FAM13A: variants seen among roughly 807,000 people sequenced by gnomAD.
The protein encoded by FAM13A is protein FAM13A.
FAM13A carries 76 observed loss-of-function variants against 129.6 expected under a neutral mutation model. The ratio of observed to expected loss-of-function variants is 0.59; its 90% CI spans 0.49 to 0.71. FAM13A has a LOEUF of 0.71. Ranked by LOEUF, FAM13A falls within the 30% of genes least tolerant of loss-of-function variation. The pLI is 0.00. For missense variants in FAM13A, 1,108 were observed against 1,249.3 expected, an observed-to-expected ratio of 0.89 and a Z score of 1.70; for synonymous variants, 443 against 449.9, an observed-to-expected ratio of 0.98 and a Z score of 0.20.
chr4:88,732,378 A>G, intron 21 of FAM13A, 180 bp from the exon 22 acceptor site: 4 of 465,130 alleles, frequency 8.6e-6, no homozygotes, highest in Non-Finnish European at 1.5e-5. Context: ...CGATATAAAT[A>G]TACACATTTA....
chr4:88,990,776 G>T, intron 4 of FAM13A, 197 bp downstream of exon 4: 1 of 441,002 alleles, frequency 2.3e-6, no homozygotes, highest in Non-Finnish European at 4.0e-6. Context: ...TTATAGTTTT[G>T]TAAAAAGGGC....
chr4:88,914,067 T>C (rs937646352), intron 5 of FAM13A, among the ~76,000 whole-genome samples: 1 of 151,896 alleles, frequency 6.6e-6, no homozygotes, highest in Admixed American at 6.6e-5. Flanking sequence ...AAATGTCACC[T>C]AGTTGCTCAG....
At chr4:88,816,753 T>TTA (rs534809254) in intron 7 of FAM13A, among the ~76,000 whole-genome samples, 74 of 152,338 alleles carry the variant, frequency 4.9e-4, no homozygotes, top group Non-Finnish European at 4.6e-4. Context: ...TTTAGACATG[T>TTA]GTGTAGAGTG....
chr4:88,757,069 G>T (rs1273887021), intron 14 of FAM13A, among the ~76,000 whole-genome samples: 2 of 150,898 alleles, frequency 1.3e-5, no homozygotes, highest in Non-Finnish European at 3.0e-5. Context: ...AATCCATCTA[G>T]ATTTCTAAAA....
At chr4:88,890,349 C>T (rs1740921794) in intron 6 of FAM13A, among the ~76,000 whole-genome samples, 1 of 152,180 alleles carries the variant, frequency 6.6e-6, no homozygotes, top group African/African-American at 2.4e-5. Flanking sequence ...AAGCTGGATC[C>T]TCCGAACCAG....
intron 7 of FAM13A, among the ~76,000 whole-genome samples, chr4:88,847,242 A>ACC (rs1336783937): frequency 1.3e-5 from 2 of 152,142 alleles, no homozygotes; most frequent in African/African-American, 4.8e-5. Context: ...GTTGGGCTGG[A>ACC]CATGGTGGTT....
chr4:88,946,845 C>T (rs796619323), intron 4 of FAM13A, among the ~76,000 whole-genome samples: 12 of 152,234 alleles, frequency 7.9e-5, no homozygotes, highest in African/African-American at 2.9e-4. Context: ...CAAGTGCTTG[C>T]ATAAAGCCAC....
chr4:88,869,050 A>G (rs1264418018), intron 6 of FAM13A, among the ~76,000 whole-genome samples: 1 of 152,194 alleles, frequency 6.6e-6, no homozygotes, highest in Non-Finnish European at 1.5e-5. Flanking sequence ...GCTAGGACTC[A>G]AACCATTAGA....
At chr4:89,045,499 A>G (rs1415491207) in intron 1 of FAM13A, among the ~76,000 whole-genome samples, 3 of 152,224 alleles carry the variant, frequency 2.0e-5, no homozygotes, top group African/African-American at 7.2e-5. Flanking sequence ...CTTTGTTTAA[A>G]TAAAAGTGCT....
At chr4:89,035,542 A>G (rs1382549599) in intron 1 of FAM13A, among the ~76,000 whole-genome samples, 1 of 152,150 alleles carries the variant, frequency 6.6e-6, no homozygotes, top group African/African-American at 2.4e-5. Context: ...GTGCCAAGAA[A>G]AGAAAATTGC....
chr4:88,834,491 T>G (rs1009669292), intron 7 of FAM13A, among the ~76,000 whole-genome samples: 1 of 152,052 alleles, frequency 6.6e-6, no homozygotes, highest in Non-Finnish European at 1.5e-5. Context: ...ACTATTTAAA[T>G]AAAGAAAATG....
intron 7 of FAM13A, among the ~76,000 whole-genome samples, chr4:88,820,894 A>G (rs1016839311): frequency 6.6e-6 from 1 of 152,204 alleles, no homozygotes; most frequent in African/African-American, 2.4e-5. Flanking sequence ...TTTAGCTGCT[A>G]TTTAAAGCTA....
chr4:89,033,746 G>A (rs1769004406), intron 1 of FAM13A, among the ~76,000 whole-genome samples: 1 of 152,124 alleles, frequency 6.6e-6, no homozygotes, highest in African/African-American at 2.4e-5. Flanking sequence ...TTTTACAATA[G>A]CTAACACATA....
chr4:88,989,231 A>T (rs1762643110), intron 4 of FAM13A, among the ~76,000 whole-genome samples: 1 of 145,220 alleles, frequency 6.9e-6, no homozygotes, highest in Admixed American at 6.9e-5. Flanking sequence ...AAACAAACAA[A>T]AAGCTACATT....
chr4:88,824,806 C>G (rs2149850950), intron 7 of FAM13A, among the ~76,000 whole-genome samples: 1 of 152,086 alleles, frequency 6.6e-6, no homozygotes, highest in Non-Finnish European at 1.5e-5. Flanking sequence ...CTCCTGGGTT[C>G]AAGCGATTCT....
chr4:88,738,280 CAG>C (rs1193112417), intron 20 of FAM13A, among the ~76,000 whole-genome samples: 2 of 152,134 alleles, frequency 1.3e-5, no homozygotes, highest in Admixed American at 6.5e-5. Context: ...TAAAAGCCAG[CAG>C]AGGAGATGGG....
chr4:88,827,119 G>A (rs988118335), intron 7 of FAM13A, among the ~76,000 whole-genome samples: 3 of 152,112 alleles, frequency 2.0e-5, no homozygotes, highest in South Asian at 2.1e-4. Context: ...TGCTTTTAGG[G>A]TCTTTTGACC....
At chr4:88,997,221 C>T (rs1396418103) in intron 3 of FAM13A, among the ~76,000 whole-genome samples, 4 of 152,112 alleles carry the variant, frequency 2.6e-5, no homozygotes, top group South Asian at 2.1e-4. Context: ...TGTTATAATT[C>T]GTAAGTCCAA....
intron 14 of FAM13A, among the ~76,000 whole-genome samples, chr4:88,757,045 C>CT (rs952760112): frequency 2.6e-5 from 4 of 151,848 alleles, no homozygotes; most frequent in East Asian, 1.9e-4. Context: ...TTTCCAATAA[C>CT]TTTTTAAAAA....
Sources: gnomAD v4.1 joint callset for allele counts (sites outside exome capture counted in the v4.1 genomes callset) on GRCh38, gnomAD v4.1.1 for gene constraint, MANE v1.5 for transcripts, NCBI Gene and HGNC (gene_info 2026-07-23, HGNC 2026-07-21) for gene names.